The following ANXA4 variants were observed in gnomAD, a reference collection of about 807,000 sequenced individuals.
ANXA4 encodes the protein 35-beta calcimedin.
A neutral mutation model predicts 49.8 loss-of-function variants in ANXA4; 39 were observed. That is an observed-to-expected ratio of 0.78 (90% CI 0.61 to 1.02). The LOEUF (loss-of-function observed/expected upper bound fraction) is 1.02, where lower values mean the gene tolerates loss of function less well. Among genes scored for constraint, ANXA4 ranks in the 50% least tolerant of loss-of-function variants. The pLI, the probability that ANXA4 is intolerant of heterozygous loss-of-function variation, is 0.00. For missense variants in ANXA4, 360 were observed against 410.1 expected, an observed-to-expected ratio of 0.88 and a Z score of 1.05; for synonymous variants, 134 against 152.5, an observed-to-expected ratio of 0.88 and a Z score of 0.89.
At chr2:69,765,139 T>C (rs764543535) in intron 1 of ANXA4, among the ~76,000 whole-genome samples, 1 of 152,180 alleles carries the variant, frequency 6.6e-6, no homozygotes, top group Non-Finnish European at 1.5e-5. Flanking sequence ...GGGACACTTG[T>C]TTTGCTTCCA....
chr2:69,740,337 C>G (rs1670352014), upstream of ANXA4, among the ~76,000 whole-genome samples: 1 of 152,102 alleles, frequency 6.6e-6, no homozygotes, highest in African/African-American at 2.4e-5. Flanking sequence ...CTCACCTGGC[C>G]TAATTGTTGC....
chr2:69,807,953 G>A lies in ANXA4; in HGVS notation c.354G>A (p.Arg118=), dbSNP rs1345485173. 1.9e-6 allele frequency: 3 copies of A among 1,614,036 alleles called. No individual in the cohort carries two copies. Among genetic ancestry groups the A allele is most frequent in the African/African-American group, 1.3e-5 (1 of 74,930 alleles). ...EGCLIEILAS[R]TPEEIRRISQ... The stretch of plus-strand genomic sequence containing the variant: ...GCCTAATTGAGATCCTGGCCTCCCG[G>A]ACCCCTGAGGAGATCCGGCGCATAA... Residue 118 remains arginine (R), a synonymous_variant, in exon 6 of 13, where the codon CGG becomes CGA. Transcript: ENST00000394295.
chr2:69,692,883 T>C (rs557398588), intron 2 of ANXA4, among the ~76,000 whole-genome samples: 21 of 152,210 alleles, frequency 1.4e-4, no homozygotes, highest in Non-Finnish European at 2.2e-4. Context: ...AAAGCAATAT[T>C]GAATTATGTT....
chr2:69,745,368 T>A (rs1005056287), intron 1 of ANXA4, among the ~76,000 whole-genome samples: 2 of 152,126 alleles, frequency 1.3e-5, no homozygotes, highest in Non-Finnish European at 2.9e-5. Flanking sequence ...TGGGAAGGGT[T>A]AGCAGATTAA....
rs1017170437 is a variant in ANXA4 at position 69,806,505 on chromosome 2, G to C, written c.306+7G>C. On this transcript the variant is annotated splice_region_variant and intron_variant, in intron 5 of 12. Coordinates refer to ENST00000394295, the MANE Select transcript of ANXA4 (RefSeq NM_001153.5). ...GCTGCGAAGGGCCATGAAGGTCTGTGCTCTTCCTCTCGTGCTCTTGGTGCT... is the reference window on the plus strand; with the variant it reads ...GCTGCGAAGGGCCATGAAGGTCTGTCCTCTTCCTCTCGTGCTCTTGGTGCT... 1 of 1,609,452 alleles carries C rather than the reference G, an allele frequency of 6.2e-7. No homozygotes were observed. Among genetic ancestry groups the C allele is most frequent in the South Asian group, 1.1e-5 (1 of 91,012 alleles).
At chr2:69,739,306 T>C (rs1431518061), upstream of ANXA4, among the ~76,000 whole-genome samples, 1 of 152,204 alleles carries the variant, frequency 6.6e-6, no homozygotes, top group Non-Finnish European at 1.5e-5. Context: ...AAGTCAGTTA[T>C]CACCTGTCCA....
At chr2:69,770,210 C>T (rs182898841) in intron 1 of ANXA4, among the ~76,000 whole-genome samples, 5 of 152,220 alleles carry the variant, frequency 3.3e-5, no homozygotes, top group African/African-American at 7.2e-5. Context: ...ACTCAAACCC[C>T]GTCACTGCAA....
intron 3 of ANXA4, 90 bp downstream of exon 3, chr2:69,788,231 G>A: frequency 2.5e-6 from 3 of 1,203,356 alleles, no homozygotes; most frequent in Non-Finnish European, 3.7e-6. Context: ...GCCATCACGT[G>A]GGTCTTCCTT....
At chr2:69,748,408 A>C (rs1670706000) in intron 1 of ANXA4, among the ~76,000 whole-genome samples, 1 of 151,652 alleles carries the variant, frequency 6.6e-6, no homozygotes, top group South Asian at 2.1e-4. Context: ...AAAATGAGAG[A>C]AAAGGCACAC....
At chr2:69,809,894 G>T (rs911599856) in intron 6 of ANXA4, 1 of 152,258 alleles carries the variant, frequency 6.6e-6, no homozygotes, top group Non-Finnish European at 1.5e-5. Context: ...TCAAAGCTGG[G>T]TTCAGAAGCT....
chr2:69,667,421 C>T (rs1268164207), intron 2 of ANXA4, among the ~76,000 whole-genome samples: 1 of 151,098 alleles, frequency 6.6e-6, no homozygotes, highest in African/African-American at 2.4e-5. Flanking sequence ...ATGTGCCACA[C>T]TCAAACCTTG....
At chr2:69,736,465 A>G (rs1480774341) in intron 3 of ANXA4, among the ~76,000 whole-genome samples, 1 of 152,228 alleles carries the variant, frequency 6.6e-6, no homozygotes, top group East Asian at 1.9e-4. Context: ...GGCACATAGT[A>G]AGTGCACACA....
intron 2 of ANXA4, among the ~76,000 whole-genome samples, chr2:69,659,242 A>G (rs1487619395): frequency 2.0e-5 from 3 of 152,262 alleles, no homozygotes; most frequent in Non-Finnish European, 4.4e-5. Context: ...ATCTAGAAAC[A>G]TTAGTAAAGA....
rs145614587 is a variant in ANXA4, at chr2:69,766,514, G to A, written c.-46-15006G>A. ...CTTTAGGAGGATTATAAACCCAGGTGGTTGTGCTCCAGGGCTCCAACCACT... is the reference window on the plus strand; with the variant it reads ...CTTTAGGAGGATTATAAACCCAGGTAGTTGTGCTCCAGGGCTCCAACCACT... On this transcript the variant is annotated intron_variant, in intron 1 of 12. Transcript: ENST00000394295. 1.6e-4 allele frequency among the ~76,000 whole-genome samples: 25 copies of A among 152,292 alleles called. No homozygotes were observed. In the East Asian group the frequency reaches 4.8e-3, roughly 29 times the overall value.
intron 3 of ANXA4, among the ~76,000 whole-genome samples, chr2:69,796,922 CG>C (rs1672969585): frequency 1.3e-5 from 2 of 152,108 alleles, no homozygotes; most frequent in African/African-American, 4.8e-5. Context: ...TGGGTTGTCT[CG>C]CGGGGCAAAG....
chr2:69,660,059 AAATAC>A (rs1382143709), intron 2 of ANXA4, among the ~76,000 whole-genome samples: 3 of 152,158 alleles, frequency 2.0e-5, no homozygotes, highest in Non-Finnish European at 2.9e-5. Flanking sequence ...GGTGACAAGA[AAATAC>A]ATATTTTCTT....
intron 2 of ANXA4, among the ~76,000 whole-genome samples, chr2:69,664,757 C>G (rs1227734986): frequency 6.6e-6 from 1 of 152,146 alleles, no homozygotes; most frequent in African/African-American, 2.4e-5. Context: ...GTCCTTTCCC[C>G]TTGAACCCAG....
chr2:69,761,688 A>G (rs1430299352), intron 1 of ANXA4, among the ~76,000 whole-genome samples: 2 of 150,660 alleles, frequency 1.3e-5, no homozygotes, highest in African/African-American at 2.4e-5. Context: ...TGGGAGTCTG[A>G]GGTGGTAGGA....
Position 69,685,843 on chromosome 2 carries a change from G to A in ANXA4, n.766+32561G>A, listed in dbSNP as rs944505439. ...TAACAACTGGCCCTGGGTTGGGGGCGGAGAGAGGGAGGGACCTTGATTTAT... is the reference window on the plus strand; with the variant it reads ...TAACAACTGGCCCTGGGTTGGGGGCAGAGAGAGGGAGGGACCTTGATTTAT... On this transcript the variant is annotated intron_variant and non_coding_transcript_variant, in intron 2 of 3. Transcript: ENST00000418066. 2.0e-4 allele frequency among the ~76,000 whole-genome samples: 30 copies of A among 152,150 alleles called. 1 individual carries two copies. The highest frequency in any genetic ancestry group is 5.8e-4 in the African/African-American group (24 of 41,436).
Sources: allele counts gnomAD v4.1 joint callset (sites outside exome capture counted in the v4.1 genomes callset), GRCh38; gene constraint gnomAD v4.1.1; transcripts MANE v1.5; gene names NCBI Gene and HGNC (gene_info 2026-07-23, HGNC 2026-07-21).